The following P2RX3 variants were observed in gnomAD, a reference collection of about 807,000 sequenced individuals.
P2RX3 encodes purinergic receptor P2X 3, also known as P2X purinoceptor 3.
Under a neutral mutation model 51.5 loss-of-function variants are expected in P2RX3, and 41 were observed. The observed-to-expected ratio is 0.80, with a 90% CI of 0.62 to 1.03. The LOEUF (loss-of-function observed/expected upper bound fraction) is 1.03, where lower values mean the gene tolerates loss of function less well. Among genes scored for constraint, P2RX3 ranks in the 50% least tolerant of loss-of-function variants. P2RX3 has a pLI of 0.00. For synonymous variants in P2RX3, 185 were observed against 191.6 expected, an observed-to-expected ratio of 0.97 and a Z score of 0.29; for missense variants, 459 against 522.1, an observed-to-expected ratio of 0.88 and a Z score of 1.18.
At chr11:57,354,368 C>A (rs1165014359) in intron 8 of P2RX3, among the ~76,000 whole-genome samples, 1 of 152,152 alleles carries the variant, frequency 6.6e-6, no homozygotes, top group Non-Finnish European at 1.5e-5. Flanking sequence ...TTTTATGAAG[C>A]CTCTTTCTAA....
At position 57,347,123 on chromosome 11, in the gene P2RX3, C is replaced by T. The variant is rs759050633; in HGVS notation, c.263C>T (p.Ser88Leu). 4 of 1,613,660 alleles carry T rather than the reference C, an allele frequency of 2.5e-6. No individual in the cohort carries two copies. Among genetic ancestry groups the T allele is most frequent in the Admixed American group, 1.7e-5 (1 of 59,974 alleles). ...SDYVTPPQGT[S>L]VFVIITKMIV... ...CCTTCTTCTCCTCCCAAGGGCACCT[C>T]GGTCTTTGTCATCATCACCAAGATG... Residue 88 changes from serine (S) to leucine (L), a missense_variant, in exon 3 of 12, where the codon TCG (serine) becomes TTG (leucine). Ser to Leu is a moderately radical substitution (Grantham distance 145). Coordinates refer to ENST00000263314, the MANE Select transcript of P2RX3 (RefSeq NM_002559.5).
chr11:57,338,667 A>C lies in P2RX3; in HGVS notation c.117A>C (p.Val39=), dbSNP rs748804301. The change falls in exon 1 of 12, where the codon GTA becomes GTC. Residue 39 remains valine, a splice_region_variant and synonymous_variant. Transcript: ENST00000263314. ...AGCTTCTGATCATCTCCTACTTTGT[A>C]GGGTGAGTCTGTGGCCTTTCAGGTT... ...VVQLLIISYF[V]GWVFLHEKAY... 2 of 1,578,532 alleles carry C rather than the reference A, an allele frequency of 1.3e-6. No homozygotes were observed. The highest frequency in any genetic ancestry group is 1.7e-6 in the Non-Finnish European group (2 of 1,150,776).
chr11:57,352,215 T>A (rs146550300), intron 8 of P2RX3, among the ~76,000 whole-genome samples: 1,679 of 152,264 alleles, frequency 0.011, 35 homozygotes, highest in African/African-American at 0.038. Context: ...AAAAAAATAA[T>A]CACCCACCCC....
At chr11:57,351,298 A>G (rs1856544418) in intron 8 of P2RX3, among the ~76,000 whole-genome samples, 1 of 152,208 alleles carries the variant, frequency 6.6e-6, no homozygotes, top group Non-Finnish European at 1.5e-5. Context: ...CGCTCTACAA[A>G]GTAAGGGTGA....
At chr11:57,355,069 G>A (rs1476872938) in intron 8 of P2RX3, among the ~76,000 whole-genome samples, 1 of 152,204 alleles carries the variant, frequency 6.6e-6, no homozygotes, top group African/African-American at 2.4e-5. Flanking sequence ...CCAGAAGCCA[G>A]AGCTGAGGCA....
chr11:57,367,927 A>G (rs1590643294), intron 8 of P2RX3, 82 bp from the exon 9 acceptor site: 1 of 1,108,398 alleles, frequency 9.0e-7, no homozygotes, highest in East Asian at 2.4e-5. Context: ...GAGCCAAGAC[A>G]CAGGGCTCTG....
upstream of P2RX3, among the ~76,000 whole-genome samples, chr11:57,336,263 C>A (rs1320520689): frequency 2.0e-5 from 3 of 152,152 alleles, no homozygotes; most frequent in East Asian, 5.8e-4. Context: ...CTCCCACTGG[C>A]TGCGGAGAGT....
At chr11:57,338,124 G>C (rs927677212), upstream of P2RX3, among the ~76,000 whole-genome samples, 6 of 152,244 alleles carry the variant, frequency 3.9e-5, no homozygotes, top group African/African-American at 1.4e-4. Context: ...AAATTGCAAG[G>C]GGCTTTAGGG....
At chr11:57,339,289 G>C (rs1392645931) in intron 1 of P2RX3, among the ~76,000 whole-genome samples, 2 of 152,146 alleles carry the variant, frequency 1.3e-5, no homozygotes, top group African/African-American at 4.8e-5. Context: ...ACTGCCCCTT[G>C]ATGAGGAAAC....
chr11:57,336,357 C>T (rs923245395), upstream of P2RX3, among the ~76,000 whole-genome samples: 2 of 152,110 alleles, frequency 1.3e-5, no homozygotes, highest in Admixed American at 1.3e-4. Context: ...TTTTCACATC[C>T]TTAACCGAAA....
chr11:57,340,068 G>A (rs557288437), intron 1 of P2RX3, among the ~76,000 whole-genome samples: 1 of 152,176 alleles, frequency 6.6e-6, no homozygotes, highest in Non-Finnish European at 1.5e-5. Context: ...GCAAATGTTC[G>A]CTGTCTGCAT....
chr11:57,351,481 C>T (rs962383512), intron 8 of P2RX3, among the ~76,000 whole-genome samples: 2 of 151,972 alleles, frequency 1.3e-5, no homozygotes, highest in Non-Finnish European at 2.9e-5. Context: ...GGGATCTTTT[C>T]GGGTTTTGTT....
In P2RX3 at chr11:57,370,902, T is replaced by A. The variant is rs1856875972; in HGVS notation, c.*905T>A. Reference sequence around the variant, plus strand: ...GTTCCAGGAGTTCAGCAGTCCTCATTTACAACAACAGTGAAAATGCTCCAG... The same window carrying A: ...GTTCCAGGAGTTCAGCAGTCCTCATATACAACAACAGTGAAAATGCTCCAG... On this transcript the variant is annotated 3_prime_UTR_variant, in exon 12 of 12. Transcript: ENST00000263314. 6.6e-6 allele frequency among the ~76,000 whole-genome samples: 1 copy of A among 152,196 alleles called. No homozygotes were observed. The highest frequency in any genetic ancestry group is 1.5e-5 in the Non-Finnish European group (1 of 68,026).
At chr11:57,346,209 T>A (rs1185383652) in intron 1 of P2RX3, among the ~76,000 whole-genome samples, 1 of 152,000 alleles carries the variant, frequency 6.6e-6, no homozygotes, top group Non-Finnish European at 1.5e-5. Context: ...CCCAAGGAGG[T>A]GAAAATTGGT....
At chr11:57,339,502 C>T (rs1856298636) in intron 1 of P2RX3, among the ~76,000 whole-genome samples, 1 of 148,370 alleles carries the variant, frequency 6.7e-6, no homozygotes, top group Non-Finnish European at 1.5e-5. Context: ...GCCCCCACCG[C>T]CTGCAAGCAC....
Position 57,369,967 on chromosome 11 carries a change from C to G in P2RX3, c.1164C>G (p.Thr388=). The G allele has an allele frequency of 6.2e-7, 1 of 1,613,908 alleles. No individual in the cohort carries two copies. Among genetic ancestry groups the G allele is most frequent in the Middle Eastern group, 1.6e-4 (1 of 6,062 alleles). Residue 388 remains threonine (T), a synonymous_variant, in exon 12 of 12, where the codon ACC becomes ACG. Coordinates refer to ENST00000263314, the MANE Select transcript of P2RX3 (RefSeq NM_002559.5). ...AGACCACAGCGGAGAAGCAGTCCACCGATTCGGGGGCCTTCTCCATAGGCC... is the reference window on the plus strand; with the variant it reads ...AGACCACAGCGGAGAAGCAGTCCACGGATTCGGGGGCCTTCTCCATAGGCC... ...SDQTTAEKQS[T]DSGAFSIGH
chr11:57,365,759 A>C (rs1856788040), intron 8 of P2RX3, among the ~76,000 whole-genome samples: 1 of 152,180 alleles, frequency 6.6e-6, no homozygotes, highest in Non-Finnish European at 1.5e-5. Context: ...CTAATTCCAG[A>C]ATGCCCCACT....
intron 7 of P2RX3, chr11:57,350,367 C>T (rs573787034): frequency 1.7e-5 from 3 of 177,998 alleles, no homozygotes; most frequent in South Asian, 2.4e-4. Flanking sequence ...GGCGCGATTT[C>T]GGCTCACTGC....
chr11:57,369,239 G>T, intron 10 of P2RX3, 122 bp from the exon 11 acceptor site: 1 of 786,012 alleles, frequency 1.3e-6, no homozygotes, highest in South Asian at 1.6e-5. Context: ...TTGCAAGGGT[G>T]AAATGTCCTG....
Sources: gnomAD v4.1 joint callset for allele counts (sites outside exome capture counted in the v4.1 genomes callset) on GRCh38, gnomAD v4.1.1 for gene constraint, MANE v1.5 for transcripts, NCBI Gene and HGNC (gene_info 2026-07-23, HGNC 2026-07-21) for gene names.